The following CLN8 variants were observed in gnomAD, a reference collection of about 807,000 sequenced individuals.
The protein encoded by CLN8 is protein CLN8.
CLN8 carries 14 observed loss-of-function variants against 15.7 expected under a neutral mutation model. The ratio of observed to expected loss-of-function variants is 0.89; its 90% confidence interval spans 0.59 to 1.39. The LOEUF is 1.39. CLN8 is among the 40% of genes most tolerant of loss of function. The pLI is 0.00. For missense variants in CLN8, 415 were observed against 364.0 expected (o/e 1.14, Z -1.14); for synonymous variants, 188 against 151.0 (o/e 1.25, Z -1.80).
intron 2 of CLN8, among the ~76,000 whole-genome samples, chr8:1,776,359 C>G (rs1179499545): frequency 6.6e-6 from 1 of 151,480 alleles, no homozygotes; most frequent in Non-Finnish European, 1.5e-5. Flanking sequence ...GCATGTGGCC[C>G]CGCTCCTGTA....
At chr8:1,765,834 AG>A (rs556323052) in intron 1 of CLN8, among the ~76,000 whole-genome samples, 117 of 152,340 alleles carry the variant, frequency 7.7e-4, no homozygotes, top group African/African-American at 2.7e-3. Flanking sequence ...AGTGGTAAAT[AG>A]TTTAGTTATT....
rs1316542666 is a variant in CLN8 at position 1,783,354 on chromosome 8, A to C, written c.*2787A>C. ...TAACAGGAATTCTGGAACTGCTTGAAAACTAGGACGATTGGGCAATATCGG... is the reference window on the plus strand; with the variant it reads ...TAACAGGAATTCTGGAACTGCTTGACAACTAGGACGATTGGGCAATATCGG... On this transcript the variant is annotated 3_prime_UTR_variant, in exon 3 of 3. Transcript: ENST00000331222. 6.6e-6 allele frequency: 1 copy of C among 152,262 alleles called. No homozygotes were observed. The highest frequency in any genetic ancestry group is 1.5e-5 in the Non-Finnish European group (1 of 68,052). 9.4% of individuals were successfully genotyped at this position (152,262 alleles called of 1,614,324 possible). A position where few individuals can be genotyped will look rare whatever the true frequency, so the allele number is the denominator to read the frequency against.
chr8:1,762,923 T>C (rs1284873390), upstream of CLN8: 3 of 152,182 alleles, frequency 2.0e-5, no homozygotes, highest in African/African-American at 4.8e-5. Flanking sequence ...CCTCTAGATG[T>C]CGATTCTAAA....
chr8:1,753,652 G>A (rs1293687204), upstream of CLN8, among the ~76,000 whole-genome samples: 2 of 150,786 alleles, frequency 1.3e-5, no homozygotes, highest in African/African-American at 2.4e-5. Context: ...TTTGGAGGCC[G>A]AGGCAGGCAG....
At position 1,780,698 on chromosome 8, in the gene CLN8, T is replaced by C. The variant is rs1367119935; in HGVS notation, c.*131T>C. On this transcript the variant is annotated 3_prime_UTR_variant, in exon 3 of 3. Transcript: ENST00000331222. ...TTACTTCTAAGGGAAATACTAACTT[T>C]CTTTCGCATTAGTATTAATTTTGAA... 2.3e-5 allele frequency: 18 copies of C among 779,632 alleles called. No individual in the cohort carries two copies. Among genetic ancestry groups the C allele is most frequent in the Non-Finnish European group, 3.5e-5 (17 of 489,768 alleles). The allele number at this position is 779,632 out of a possible 1,614,324, so 48.3% of individuals were successfully genotyped here.
Position 1,771,464 on chromosome 8 carries a change from T to C in CLN8, c.410T>C (p.Ile137Thr). The C allele has an allele frequency of 1.2e-6, 2 of 1,614,254 alleles. No homozygotes were observed. The highest frequency in any genetic ancestry group is 8.5e-7 in the Non-Finnish European group (1 of 1,180,048). The change falls in exon 2 of 3, where the codon ATC (isoleucine) becomes ACC (threonine). Residue 137 changes from isoleucine to threonine, a missense_variant. By Grantham distance (89) the Ile-to-Thr change is moderately conservative (BLOSUM62 -1). Transcript: ENST00000331222. ...IFRTFDLFLVIHHLFAFLGFL... is the reference protein window; with the variant it reads ...IFRTFDLFLVTHHLFAFLGFL... Reference sequence around the variant, plus strand: ...CGGACATTTGACTTGTTTCTGGTTATCCACCATCTCTTTGCCTTTCTTGGG... The same window carrying C: ...CGGACATTTGACTTGTTTCTGGTTACCCACCATCTCTTTGCCTTTCTTGGG...
rs1048143993 is a variant in CLN8, at chr8:1,782,605, C to A, written c.*2038C>A. 3 of 152,226 alleles carry A rather than the reference C, an allele frequency of 2.0e-5. No individual in the cohort carries two copies. Among genetic ancestry groups the A allele is most frequent in the Admixed American group, 1.3e-4 (2 of 15,280 alleles). 9.4% of individuals were successfully genotyped at this position (152,226 alleles called of 1,614,324 possible). ...TGGAAACCTCACACCTGGCAGGCAG[C>A]ACTCTCTGCAGCCGTGCCCTTGTGG... is the stretch of plus-strand genomic sequence containing the variant. On this transcript the variant is annotated 3_prime_UTR_variant, in exon 3 of 3. Transcript: ENST00000331222.
upstream of CLN8, chr8:1,763,286 G>A (rs1237133987): frequency 6.6e-6 from 1 of 151,222 alleles, no homozygotes; most frequent in African/African-American, 2.4e-5. Context: ...GCTGCCCGCG[G>A]AGCCCCACCG....
intron 2 of CLN8, among the ~76,000 whole-genome samples, chr8:1,774,971 C>T (rs994519406): frequency 6.6e-6 from 1 of 151,984 alleles, no homozygotes; most frequent in Non-Finnish European, 1.5e-5. Flanking sequence ...AGAGTGAGAC[C>T]CTATCTCAAA....
chr8:1,777,986 G>A (rs1050001279), intron 2 of CLN8, among the ~76,000 whole-genome samples: 4 of 152,240 alleles, frequency 2.6e-5, no homozygotes, highest in Non-Finnish European at 5.9e-5. Context: ...AAATAAAGGC[G>A]CTGAGCCCTG....
chr8:1,754,825 C>T (rs1265375211), upstream of CLN8, among the ~76,000 whole-genome samples: 1 of 152,174 alleles, frequency 6.6e-6, no homozygotes, highest in African/African-American at 2.4e-5. Flanking sequence ...GTTCACAGCG[C>T]ATGTCTGGGT....
chr8:1,783,765 T>C lies in CLN8; in HGVS notation c.*3198T>C, dbSNP rs970571822. 3 of 152,164 alleles carry C rather than the reference T, an allele frequency of 2.0e-5. No individual in the cohort carries two copies. Among genetic ancestry groups the C allele is most frequent in the Non-Finnish European group, 2.9e-5 (2 of 68,034 alleles). 9.4% of individuals were successfully genotyped at this position (152,164 alleles called of 1,614,324 possible). A position where few individuals can be genotyped will look rare whatever the true frequency, so the allele number is the denominator to read the frequency against. On this transcript the variant is annotated 3_prime_UTR_variant, in exon 3 of 3. Coordinates refer to ENST00000331222, the MANE Select transcript of CLN8 (RefSeq NM_018941.4). ...TTTCCATTTTCTTCGCCCGGACAAC[T>C]TGAATGAAATGGGCACTGTTGATTC...
At chr8:1,764,127 G>A (rs1325331654) in intron 1 of CLN8, among the ~76,000 whole-genome samples, 1 of 152,176 alleles carries the variant, frequency 6.6e-6, no homozygotes, top group Non-Finnish European at 1.5e-5. Flanking sequence ...CACGTGAGGG[G>A]GAGCCCGGGT....
Position 1,780,800 on chromosome 8 carries a change from C to T in CLN8, c.*233C>T, listed in dbSNP as rs975018065. 1.7e-6 allele frequency: 1 copy of T among 582,976 alleles called. No homozygotes were observed. Among genetic ancestry groups the T allele is most frequent in the Non-Finnish European group, 3.0e-6 (1 of 329,748 alleles). The allele number at this position is 582,976 out of a possible 1,614,324, so 36.1% of individuals were successfully genotyped here. A position where few individuals can be genotyped will look rare whatever the true frequency, so the allele number is the denominator to read the frequency against. On this transcript the variant is annotated 3_prime_UTR_variant, in exon 3 of 3. Coordinates refer to ENST00000331222, the MANE Select transcript of CLN8 (RefSeq NM_018941.4). ...CTCTGTCAGTTTAGCCGCGCCGGACCGTGTCAAGCATCTAGGAGAGGAGTC... is the reference window on the plus strand; with the variant it reads ...CTCTGTCAGTTTAGCCGCGCCGGACTGTGTCAAGCATCTAGGAGAGGAGTC...
chr8:1,762,424 A>C (rs1800821951), upstream of CLN8: 1 of 152,068 alleles, frequency 6.6e-6, no homozygotes, highest in Non-Finnish European at 1.5e-5. Flanking sequence ...TGATTTTAAA[A>C]CGATGTCACC....
upstream of CLN8, among the ~76,000 whole-genome samples, chr8:1,753,309 G>T (rs1800595368): frequency 1.4e-5 from 1 of 71,260 alleles, no homozygotes; most frequent in Non-Finnish European, 3.7e-5. Context: ...GGTGGCTCAT[G>T]CCTGTAATCC....
upstream of CLN8, chr8:1,762,318 A>C (rs1390884166): frequency 6.6e-6 from 1 of 152,150 alleles, no homozygotes; most frequent in African/African-American, 2.4e-5. Context: ...TGAGTAGCTG[A>C]GATTACAGGT....
chr8:1,771,492 T>A lies in CLN8; in HGVS notation c.438T>A (p.Phe146Leu). The A allele has an allele frequency of 6.2e-7, 1 of 1,614,238 alleles. No homozygotes were observed. Among genetic ancestry groups the A allele is most frequent in the Non-Finnish European group, 8.5e-7 (1 of 1,180,046 alleles). ...VIHHLFAFLG[F>L]LGCLVNLQAG... ...ACCATCTCTTTGCCTTTCTTGGGTT[T>A]CTTGGCTGCTTGGTCAATCTCCAAG... is the stretch of plus-strand genomic sequence containing the variant. The change falls in exon 2 of 3, where the codon TTT becomes TTA. Residue 146 changes from phenylalanine to leucine, a missense_variant. Phe to Leu is a conservative substitution (Grantham distance 22). Coordinates refer to ENST00000331222, the MANE Select transcript of CLN8 (RefSeq NM_018941.4).
chr8:1,783,475 G>A lies in CLN8; in HGVS notation c.*2908G>A, dbSNP rs559079672. On this transcript the variant is annotated 3_prime_UTR_variant, in exon 3 of 3. Coordinates refer to ENST00000331222, the MANE Select transcript of CLN8 (RefSeq NM_018941.4). ...CAGCTTGGCTTCAGTGTGATCACTTGTCAGTGCGCTTTCTCTTTCGATAGT... is the reference window on the plus strand; with the variant it reads ...CAGCTTGGCTTCAGTGTGATCACTTATCAGTGCGCTTTCTCTTTCGATAGT... 1.3e-5 allele frequency: 2 copies of A among 152,356 alleles called. No individual in the cohort carries two copies. The highest frequency in any genetic ancestry group is 3.9e-4 in the East Asian group (2 of 5,184). The allele number at this position is 152,356 out of a possible 1,614,324, so 9.4% of individuals were successfully genotyped here. A position where few individuals can be genotyped will look rare whatever the true frequency, so the allele number is the denominator to read the frequency against.
Sources: gnomAD v4.1 joint callset for allele counts (sites outside exome capture counted in the v4.1 genomes callset) on GRCh38, gnomAD v4.1.1 for gene constraint, MANE v1.5 for transcripts, NCBI Gene and HGNC (gene_info 2026-07-23, HGNC 2026-07-21) for gene names.